Variants in XRRA1 observed in about 807,000 individuals in gnomAD.
XRRA1 encodes X-ray radiation resistance-associated protein 1.
In XRRA1, 69 loss-of-function variants were observed where a neutral mutation model predicts 80.2. The observed-to-expected ratio is 0.86, with a 90% CI of 0.71 to 1.05. The LOEUF (loss-of-function observed/expected upper bound fraction) is 1.05. Ranked by LOEUF, XRRA1 falls within the 50% of genes least tolerant of loss-of-function variation. The probability of loss-of-function intolerance (pLI) is 0.00; values close to 1 mark genes in which losing one functional copy is unlikely to be tolerated. For synonymous variants in XRRA1, 348 were observed against 389.9 expected, an observed-to-expected ratio of 0.89 and a Z score of 1.27; for missense variants, 967 against 976.4, an observed-to-expected ratio of 0.99 and a Z score of 0.13.
In XRRA1 at chr11:74,843,528, C is replaced by T. The variant is rs975255503; in HGVS notation, c.2150-75G>A. The T allele has an allele frequency of 2.6e-6, 4 of 1,530,716 alleles. No individual in the cohort carries two copies. The African/African-American group carries it at 4.1e-5, about 16-fold the overall frequency. The allele number at this position is 1,530,716 out of a possible 1,614,324, so 94.8% of individuals were successfully genotyped here. ...CTAGCCAGAAGCAAGAGGATTGGGT[C>T]CAGAGACCCTTGGAAAATGGGATGG... On this transcript the variant is annotated intron_variant, in intron 18 of 18. Coordinates refer to ENST00000684022, the MANE Select transcript of XRRA1 (RefSeq NM_001378157.1).
At chr11:74,852,216 G>A in intron 12 of XRRA1, 134 bp from the exon 13 acceptor site, 1 of 698,060 alleles carries the variant, frequency 1.4e-6, no homozygotes, top group South Asian at 1.7e-5. Flanking sequence ...TGCTGCTGTG[G>A]ATGGGACTCA....
At chr11:74,888,909 A>G (rs1248759617) in intron 10 of XRRA1, among the ~76,000 whole-genome samples, 2 of 152,254 alleles carry the variant, frequency 1.3e-5, no homozygotes, top group African/African-American at 4.8e-5. Flanking sequence ...ACTATGTGAA[A>G]AGACCAAATC....
intron 10 of XRRA1, among the ~76,000 whole-genome samples, chr11:74,880,799 C>T (rs1417912562): frequency 3.3e-5 from 5 of 151,686 alleles, no homozygotes; most frequent in Non-Finnish European, 7.4e-5. Flanking sequence ...TCCTGAGTTC[C>T]AGTTTGATTG....
At chr11:74,933,098 C>T (rs950901815) in intron 5 of XRRA1, among the ~76,000 whole-genome samples, 2 of 152,102 alleles carry the variant, frequency 1.3e-5, no homozygotes, top group African/African-American at 2.4e-5. Flanking sequence ...AAGTTAGGAA[C>T]GAACCAGCTT....
intron 10 of XRRA1, among the ~76,000 whole-genome samples, chr11:74,869,093 CAG>C (rs2044160939): frequency 1.3e-5 from 2 of 152,118 alleles, no homozygotes; most frequent in East Asian, 3.9e-4. Flanking sequence ...ACCACACAAT[CAG>C]ATATAGAACA....
At chr11:74,861,206 A>G (rs2135922466) in intron 11 of XRRA1, among the ~76,000 whole-genome samples, 1 of 152,292 alleles carries the variant, frequency 6.6e-6, no homozygotes, top group African/African-American at 2.4e-5. Context: ...CGTGTCATTT[A>G]TAGCTGGGGT....
In XRRA1 at chr11:74,891,171, C is replaced by T. The variant is rs1288441248; in HGVS notation, c.1003+15068G>A. 4.6e-5 allele frequency among the ~76,000 whole-genome samples: 7 copies of T among 152,220 alleles called. No individual in the cohort carries two copies. In the South Asian group the frequency reaches 6.2e-4, roughly 14 times the overall value. On this transcript the variant is annotated intron_variant, in intron 10 of 18. Transcript: ENST00000684022. Reference sequence around the variant, plus strand: ...AATCCTCAATAAAATACTGGCAAACCGAATCCAGCAGCACATCAAAAAGCT... The same window carrying T: ...AATCCTCAATAAAATACTGGCAAACTGAATCCAGCAGCACATCAAAAAGCT...
At chr11:74,916,755 T>G (rs1938844821) in intron 8 of XRRA1, among the ~76,000 whole-genome samples, 1 of 152,190 alleles carries the variant, frequency 6.6e-6, no homozygotes, top group Admixed American at 6.5e-5. Context: ...TATTTGAATC[T>G]ATTAATATGG....
intron 10 of XRRA1, among the ~76,000 whole-genome samples, chr11:74,877,964 T>C (rs1347300144): frequency 5.9e-5 from 9 of 152,136 alleles, no homozygotes; most frequent in African/African-American, 1.9e-4. Context: ...TTATAATCCT[T>C]TGGGTATATA....
chr11:74,933,986 T>C, intron 4 of XRRA1, 114 bp from the exon 5 acceptor site: 2 of 746,900 alleles, frequency 2.7e-6, no homozygotes, highest in Non-Finnish European at 4.2e-6. Context: ...TTTGTTTGCT[T>C]GTTCATTCAT....
At chr11:74,906,910 T>G in intron 9 of XRRA1, 1 of 507,162 alleles carries the variant, frequency 2.0e-6, no homozygotes, top group Non-Finnish European at 3.4e-6. Context: ...CTGTTTTCCT[T>G]TCTCTTTGCT....
At position 74,927,385 on chromosome 11, in the gene XRRA1, A is replaced by G; in HGVS notation, c.522+6T>C. ...GGGCACCAAAAACTCCCTACCTCCA[A>G]CTTACTTCTAATAACTTAAAGTCTC... On this transcript the variant is annotated splice_donor_region_variant and intron_variant, in intron 7 of 18. Coordinates refer to ENST00000684022, the MANE Select transcript of XRRA1 (RefSeq NM_001378157.1). 6.3e-7 allele frequency: 1 copy of G among 1,589,054 alleles called. No individual in the cohort carries two copies. Among genetic ancestry groups the G allele is most frequent in the Middle Eastern group, 1.7e-4 (1 of 6,022 alleles).
intron 9 of XRRA1, 61 bp downstream of exon 9, chr11:74,907,084 C>CAA (rs1345335106): frequency 6.2e-7 from 1 of 1,605,558 alleles, no homozygotes; most frequent in African/African-American, 1.3e-5. Flanking sequence ...GAACAGCACT[C>CAA]AGAGTGTGAG....
Position 74,936,955 on chromosome 11 carries a change from T to C in XRRA1, c.208A>G (p.Lys70Glu), listed in dbSNP as rs551376930. Reference sequence around the variant, plus strand: ...TCCCGCCGAGACTCTTTCTTCCCCTTGAACTCAAAAGAAGTCGCCTTCAGG... The same window carrying C: ...TCCCGCCGAGACTCTTTCTTCCCCTCGAACTCAAAAGAAGTCGCCTTCAGG... ...ESLKATSFEF[K>E]GKKESRRENQ... Residue 70 changes from lysine (K) to glutamate (E), a missense_variant, in exon 4 of 19, where the codon AAG (lysine) becomes GAG (glutamate). Transcript: ENST00000684022. 3 of 1,613,880 alleles carry C rather than the reference T, an allele frequency of 1.9e-6. No homozygotes were observed. In the African/African-American group the frequency reaches 4.0e-5, roughly 22 times the overall value.
At chr11:74,921,189 AT>A in intron 8 of XRRA1, 24 bp downstream of exon 8, 3 of 1,610,486 alleles carry the variant, frequency 1.9e-6, no homozygotes, top group Non-Finnish European at 2.5e-6. Flanking sequence ...AAAACACAGA[AT>A]GGACTCCAGG....
At chr11:74,857,499 A>G (rs2041389221) in intron 12 of XRRA1, among the ~76,000 whole-genome samples, 1 of 152,226 alleles carries the variant, frequency 6.6e-6, no homozygotes, top group Admixed American at 6.5e-5. Flanking sequence ...AACTAAAGGG[A>G]GAAATAAGTA....
chr11:74,916,566 G>T (rs1200039788), intron 8 of XRRA1, among the ~76,000 whole-genome samples: 1 of 151,444 alleles, frequency 6.6e-6, no homozygotes, highest in East Asian at 1.9e-4. Flanking sequence ...TCATTTTCTT[G>T]ACTTTATTCA....
chr11:74,865,376 G>A (rs1282461), intron 10 of XRRA1, among the ~76,000 whole-genome samples: 100,592 of 152,068 alleles, frequency 0.66, 34,233 homozygotes, highest in African/African-American at 0.81. Flanking sequence ...GCACCTCCCT[G>A]AACCAAGACA....
chr11:74,872,170 A>G (rs1227556706), intron 10 of XRRA1, among the ~76,000 whole-genome samples: 1 of 152,200 alleles, frequency 6.6e-6, no homozygotes, highest in Non-Finnish European at 1.5e-5. Flanking sequence ...AGGAGAGCCA[A>G]ACCTCTTCAT....
Sources: allele counts gnomAD v4.1 joint callset (sites outside exome capture counted in the v4.1 genomes callset), GRCh38; gene constraint gnomAD v4.1.1; transcripts MANE v1.5; gene names NCBI Gene and HGNC (gene_info 2026-07-23, HGNC 2026-07-21).